LCLAT1: variants seen among roughly 807,000 people sequenced by gnomAD.
The protein encoded by LCLAT1 is lysocardiolipin acyltransferase 1, also known as 1-AGP acyltransferase 8.
Under a neutral mutation model 30.7 loss-of-function variants are expected in LCLAT1, and 11 were observed. The observed-to-expected ratio is 0.36, with a 90% CI of 0.23 to 0.59. The LOEUF is 0.59. LCLAT1 is among the 20% of genes least tolerant of loss of function. LCLAT1 has a pLI of 0.77. For synonymous variants in LCLAT1, 155 were observed against 151.3 expected (o/e 1.02, Z -0.18); for missense variants, 402 against 458.6 (o/e 0.88, Z 1.13).
intron 5 of LCLAT1, among the ~76,000 whole-genome samples, chr2:30,634,967 C>T (rs968537704): frequency 3.3e-5 from 5 of 152,168 alleles, no homozygotes; most frequent in Admixed American, 6.5e-5. Context: ...GGCCATGGTG[C>T]CAGAAGGTCT....
intron 5 of LCLAT1, among the ~76,000 whole-genome samples, chr2:30,613,159 G>A (rs1306442419): frequency 6.6e-6 from 1 of 152,142 alleles, no homozygotes. Flanking sequence ...CACATGAGCA[G>A]TAGCAGAGAA....
intron 1 of LCLAT1, among the ~76,000 whole-genome samples, chr2:30,524,709 G>A (rs185253917): frequency 3.7e-4 from 56 of 152,138 alleles, no homozygotes; most frequent in African/African-American, 1.0e-3. Flanking sequence ...ATTGACTGTC[G>A]AGGTATAGCA....
intron 1 of LCLAT1, among the ~76,000 whole-genome samples, chr2:30,453,776 G>A (rs772897507): frequency 2.6e-5 from 4 of 152,180 alleles, no homozygotes; most frequent in African/African-American, 4.8e-5. Flanking sequence ...TATGAAGACC[G>A]TAGGTAGTAA....
intron 5 of LCLAT1, among the ~76,000 whole-genome samples, chr2:30,602,928 C>T (rs542057012): frequency 1.7e-4 from 26 of 152,064 alleles, no homozygotes; most frequent in Non-Finnish European, 3.1e-4. Context: ...CCAGGAACAG[C>T]GGAACAGTAA....
intron 1 of LCLAT1, among the ~76,000 whole-genome samples, chr2:30,467,426 G>C (rs1266614789): frequency 5.9e-5 from 9 of 152,224 alleles, no homozygotes; most frequent in Non-Finnish European, 1.2e-4. Context: ...ATAGCAGCAT[G>C]ATTTATAATC....
chr2:30,496,094 G>C (rs971835954), intron 1 of LCLAT1, among the ~76,000 whole-genome samples: 3 of 152,088 alleles, frequency 2.0e-5, no homozygotes, highest in African/African-American at 7.2e-5. Flanking sequence ...TACATGGCTA[G>C]AGCAGGAGGA....
chr2:30,558,259 A>T (rs1378886327), intron 3 of LCLAT1, among the ~76,000 whole-genome samples: 1 of 152,194 alleles, frequency 6.6e-6, no homozygotes, highest in African/African-American at 2.4e-5. Flanking sequence ...AGGTTTGAAG[A>T]GGTACTTTAC....
At chr2:30,639,131 T>TG (rs1170309409) in intron 5 of LCLAT1, among the ~76,000 whole-genome samples, 5 of 152,296 alleles carry the variant, frequency 3.3e-5, no homozygotes, top group African/African-American at 9.6e-5. Flanking sequence ...AAGAATAACA[T>TG]GGGGTCTTGG....
At chr2:30,561,336 C>T (rs1035173390) in intron 3 of LCLAT1, among the ~76,000 whole-genome samples, 2 of 152,080 alleles carry the variant, frequency 1.3e-5, no homozygotes, top group Non-Finnish European at 2.9e-5. Context: ...TCTCTGTGGT[C>T]CTAGGTGAAA....
In LCLAT1 at chr2:30,533,106, GTTTTC is replaced by G. The variant is rs1401159782; in HGVS notation, c.166-7_166-3del. 1.3e-6 allele frequency: 2 copies of G among 1,597,524 alleles called. No individual in the cohort carries two copies. The highest frequency in any genetic ancestry group is 1.7e-6 in the Non-Finnish European group (2 of 1,164,866). ...CTTTAATTTGCTGTATATCTGTATT[GTTTTC>G]TTAGGCATTATTGGAGACCATGTTT... On this transcript the variant is annotated splice_region_variant and splice_polypyrimidine_tract_variant and intron_variant, in intron 2 of 5. Coordinates refer to ENST00000379509, the MANE Select transcript of LCLAT1 (RefSeq NM_001002257.3).
chr2:30,626,776 TTTTC>T (rs1668532547), intron 5 of LCLAT1, among the ~76,000 whole-genome samples: 1 of 152,078 alleles, frequency 6.6e-6, no homozygotes, highest in Admixed American at 6.5e-5. Context: ...GGTCATAAAT[TTTTC>T]TTTCTATTGC....
intron 1 of LCLAT1, chr2:30,459,497 G>A (rs1681995619): frequency 4.0e-6 from 3 of 757,068 alleles, no homozygotes; most frequent in Admixed American, 1.9e-5. Flanking sequence ...TGAGCCCGGT[G>A]CACTGTTCCC....
At chr2:30,634,556 T>C (rs1243537628) in intron 5 of LCLAT1, among the ~76,000 whole-genome samples, 1 of 151,788 alleles carries the variant, frequency 6.6e-6, no homozygotes, top group Non-Finnish European at 1.5e-5. Flanking sequence ...AACCCAGGAG[T>C]GGAGGTTGCA....
chr2:30,624,043 C>G (rs1049940442), intron 5 of LCLAT1, among the ~76,000 whole-genome samples: 1 of 152,090 alleles, frequency 6.6e-6, no homozygotes, highest in African/African-American at 2.4e-5. Context: ...AAGATACAGT[C>G]TTTTTCAGAC....
At chr2:30,556,375 C>T (rs1402817637) in intron 3 of LCLAT1, among the ~76,000 whole-genome samples, 1 of 152,096 alleles carries the variant, frequency 6.6e-6, no homozygotes, top group Non-Finnish European at 1.5e-5. Context: ...TAGCTTGCTC[C>T]TTTCCACATT....
intron 1 of LCLAT1, among the ~76,000 whole-genome samples, chr2:30,487,005 C>T (rs1344962940): frequency 6.6e-6 from 1 of 152,176 alleles, no homozygotes; most frequent in Non-Finnish European, 1.5e-5. Flanking sequence ...TATGCTAGTT[C>T]ACCTAGATTA....
chr2:30,592,246 A>G lies in LCLAT1; in HGVS notation c.628+24070A>G, dbSNP rs539681223. Among the ~76,000 whole-genome samples, 5 of 152,338 alleles carry G rather than the reference A, an allele frequency of 3.3e-5. No homozygotes were observed. The South Asian group carries it at 6.2e-4, about 19-fold the overall frequency. On this transcript the variant is annotated intron_variant, in intron 5 of 5. Coordinates refer to ENST00000379509, the MANE Select transcript of LCLAT1 (RefSeq NM_001002257.3). ...TGAAAAACCAATTCACTTGATAGGA[A>G]AGCATTATTTTTCTTTCCTAACTTA... is the stretch of plus-strand genomic sequence containing the variant.
intron 2 of LCLAT1, 66 bp from the exon 3 acceptor site, chr2:30,533,050 C>A: frequency 9.6e-7 from 1 of 1,041,282 alleles, no homozygotes; most frequent in Non-Finnish European, 1.5e-6. Context: ...ATTTATAGGG[C>A]ATGATAAAAT....
At chr2:30,576,556 C>T (rs749703547) in intron 5 of LCLAT1, among the ~76,000 whole-genome samples, 8 of 152,170 alleles carry the variant, frequency 5.3e-5, no homozygotes, top group Non-Finnish European at 1.2e-4. Flanking sequence ...AAATTCTCAG[C>T]AAAGGTGAGA....
Sources: gnomAD v4.1 joint callset for allele counts (sites outside exome capture counted in the v4.1 genomes callset) on GRCh38, gnomAD v4.1.1 for gene constraint, MANE v1.5 for transcripts, NCBI Gene and HGNC (gene_info 2026-07-23, HGNC 2026-07-21) for gene names.